The following CACNA2D3 variants were observed in gnomAD, a reference collection of about 807,000 sequenced individuals.
The protein encoded by CACNA2D3 is calcium voltage-gated channel auxiliary subunit alpha2delta 3.
In CACNA2D3, 60 loss-of-function variants were observed where a neutral mutation model predicts 160.6. That is an observed-to-expected ratio of 0.37 (90% CI 0.30 to 0.46). The LOEUF (loss-of-function observed/expected upper bound fraction) is 0.46, where lower values mean the gene tolerates loss of function less well. Ranked by LOEUF, CACNA2D3 falls within the 20% of genes least tolerant of loss-of-function variation. The pLI is 1.00. For missense variants in CACNA2D3, 1,205 were observed against 1,365.0 expected (o/e 0.88, Z 1.85); for synonymous variants, 558 against 492.9 (o/e 1.13, Z -1.75).
chr3:54,171,325 C>T (rs1190137919), intron 2 of CACNA2D3, among the ~76,000 whole-genome samples: 1 of 151,650 alleles, frequency 6.6e-6, no homozygotes, highest in African/African-American at 2.4e-5. Context: ...TACATTCTGA[C>T]AGGCCCTGCA....
chr3:54,886,175 C>T (rs1699921539), intron 23 of CACNA2D3, among the ~76,000 whole-genome samples: 1 of 26,186 alleles, frequency 3.8e-5, no homozygotes, highest in Non-Finnish European at 6.1e-5. Flanking sequence ...ACAGTTTGGG[C>T]AGGGGAGAGC....
chr3:54,522,103 G>C (rs1317933861), intron 5 of CACNA2D3, among the ~76,000 whole-genome samples: 1 of 152,136 alleles, frequency 6.6e-6, no homozygotes, highest in Non-Finnish European at 1.5e-5. Context: ...GACAGAGATT[G>C]AACTGGATCT....
intron 13 of CACNA2D3, among the ~76,000 whole-genome samples, chr3:54,781,625 T>C (rs1321480000): frequency 6.6e-6 from 1 of 152,168 alleles, no homozygotes; most frequent in Non-Finnish European, 1.5e-5. Context: ...CAGTGAACAA[T>C]CCAAGCCAAT....
chr3:54,282,009 G>A (rs58845270), intron 2 of CACNA2D3, among the ~76,000 whole-genome samples: 5,709 of 152,276 alleles, frequency 0.037, 374 homozygotes, highest in African/African-American at 0.13. Flanking sequence ...AGTGGTCTCA[G>A]CAAATCAAAG....
intron 2 of CACNA2D3, among the ~76,000 whole-genome samples, chr3:54,141,096 C>CGCGCGCACGT (rs1366495949): frequency 6.2e-5 from 3 of 48,322 alleles, no homozygotes; most frequent in African/African-American, 2.5e-4. Context: ...TGCGCGCGCG[C>CGCGCGCACGT]GCGTGTGTGC....
intron 3 of CACNA2D3, among the ~76,000 whole-genome samples, chr3:54,353,400 C>G (rs1698597798): frequency 6.6e-6 from 1 of 152,152 alleles, no homozygotes; most frequent in African/African-American, 2.4e-5. Flanking sequence ...CCTTTGCCCC[C>G]TGCCAGCAGT....
chr3:54,796,950 C>T (rs542278562), intron 13 of CACNA2D3, among the ~76,000 whole-genome samples: 38 of 152,326 alleles, frequency 2.5e-4, no homozygotes, highest in African/African-American at 8.7e-4. Context: ...CAACAGGGAA[C>T]CCATTCTTCT....
intron 11 of CACNA2D3, among the ~76,000 whole-genome samples, chr3:54,748,338 A>G (rs1246330762): frequency 1.1e-4 from 16 of 152,220 alleles, no homozygotes; most frequent in Admixed American, 2.6e-4. Context: ...AGTTTCTGAT[A>G]GGGATTGCTT....
chr3:54,816,836 T>C lies in CACNA2D3; in HGVS notation c.1381-17T>C, dbSNP rs375869479. The C allele has an allele frequency of 4.0e-5, 64 of 1,613,168 alleles. No homozygotes were observed. In the Middle Eastern group the frequency reaches 5.0e-4, roughly 12 times the overall value. On this transcript the variant is annotated splice_polypyrimidine_tract_variant and intron_variant, in intron 13 of 37. Coordinates refer to ENST00000474759, the MANE Select transcript of CACNA2D3 (RefSeq NM_018398.3). ...CAACTTTTTTCTTTTTTGTTTTGTTTTGTTTTCCCCCTTCAGCTCCCTCAG... is the reference window on the plus strand; with the variant it reads ...CAACTTTTTTCTTTTTTGTTTTGTTCTGTTTTCCCCCTTCAGCTCCCTCAG...
At chr3:54,442,472 G>T (rs945740847) in intron 4 of CACNA2D3, among the ~76,000 whole-genome samples, 2 of 152,258 alleles carry the variant, frequency 1.3e-5, no homozygotes, top group Middle Eastern at 3.4e-3. Flanking sequence ...GATGGAATCT[G>T]GTACATCAAT....
intron 5 of CACNA2D3, among the ~76,000 whole-genome samples, chr3:54,550,995 C>T (rs1334207624): frequency 1.3e-5 from 2 of 152,316 alleles, no homozygotes; most frequent in Admixed American, 1.3e-4. Context: ...TCCCCTCCAC[C>T]CTTCCAGCGC....
intron 2 of CACNA2D3, among the ~76,000 whole-genome samples, chr3:54,124,613 A>G (rs759847987): frequency 6.6e-6 from 1 of 152,216 alleles, no homozygotes; most frequent in African/African-American, 2.4e-5. Context: ...TACGTATTTT[A>G]TTTATGGCAT....
At chr3:54,379,197 A>G (rs17053916) in intron 3 of CACNA2D3, among the ~76,000 whole-genome samples, 3,284 of 152,304 alleles carry the variant, frequency 0.022, 114 homozygotes, top group African/African-American at 0.075. Context: ...AGCTTTTATA[A>G]TCCACTTTGA....
chr3:54,238,661 A>G (rs1222077541), intron 2 of CACNA2D3, among the ~76,000 whole-genome samples: 1 of 152,256 alleles, frequency 6.6e-6, no homozygotes, highest in African/African-American at 2.4e-5. Flanking sequence ...AAAAGGAAAA[A>G]TGACACAAAA....
At chr3:54,444,171 C>G (rs1234432045) in intron 4 of CACNA2D3, among the ~76,000 whole-genome samples, 1 of 152,162 alleles carries the variant, frequency 6.6e-6, no homozygotes, top group African/African-American at 2.4e-5. Context: ...AACCAAGGTG[C>G]CCAGCTGTCT....
chr3:54,436,851 C>T (rs1330417184), intron 4 of CACNA2D3, among the ~76,000 whole-genome samples: 3 of 152,014 alleles, frequency 2.0e-5, no homozygotes, highest in East Asian at 1.9e-4. Context: ...ACCTAGATGA[C>T]GGGTTGATAC....
At chr3:54,880,744 C>G (rs558589437) in intron 20 of CACNA2D3, 52 bp from the exon 21 acceptor site, 1 of 1,415,162 alleles carries the variant, frequency 7.1e-7, no homozygotes, top group African/African-American at 1.4e-5. Context: ...GCCCACAAGT[C>G]TATTCGAGTC....
At chr3:54,779,807 G>A (rs1268037611) in intron 13 of CACNA2D3, among the ~76,000 whole-genome samples, 8 of 152,164 alleles carry the variant, frequency 5.3e-5, no homozygotes, top group Non-Finnish European at 7.3e-5. Context: ...TTTCTTCATA[G>A]AGATTATGAT....
chr3:54,209,101 A>G (rs1182522903), intron 2 of CACNA2D3, among the ~76,000 whole-genome samples: 2 of 152,166 alleles, frequency 1.3e-5, no homozygotes, highest in Non-Finnish European at 2.9e-5. Flanking sequence ...ACATGGGGGA[A>G]TTATGGGAGC....
Sources: allele counts gnomAD v4.1 joint callset (sites outside exome capture counted in the v4.1 genomes callset), GRCh38; gene constraint gnomAD v4.1.1; transcripts MANE v1.5; gene names NCBI Gene and HGNC (gene_info 2026-07-23, HGNC 2026-07-21).